CRHBP: variants seen among roughly 807,000 people sequenced by gnomAD.
CRHBP encodes the protein corticotropin releasing hormone binding protein.
CRHBP carries 19 observed loss-of-function variants against 34.9 expected under a neutral mutation model. The ratio of observed to expected loss-of-function variants is 0.55; its 90% CI spans 0.38 to 0.80. CRHBP has a LOEUF of 0.80. Among genes scored for constraint, CRHBP ranks in the 30% least tolerant of loss-of-function variants. The pLI, the probability that CRHBP is intolerant of heterozygous loss-of-function variation, is 0.00. For synonymous variants in CRHBP, 154 were observed against 153.4 expected (o/e 1.00, Z -0.03); for missense variants, 328 against 409.2 (o/e 0.80, Z 1.71).
At chr5:76,968,205 T>G (rs1213726090) in intron 6 of CRHBP, among the ~76,000 whole-genome samples, 83 of 54,718 alleles carry the variant, frequency 1.5e-3, no homozygotes, top group African/African-American at 6.0e-3. Context: ...TTTTTTTTTG[T>G]TTTTTTTTTT....
intron 2 of CRHBP, among the ~76,000 whole-genome samples, chr5:76,975,825 A>AAAAAAATATATATATAT: frequency 1.6e-5 from 1 of 61,844 alleles, no homozygotes; most frequent in East Asian, 5.1e-4. Flanking sequence ...AAAAAAAAAA[A>AAAAAAATATATATATAT]ATATATATAT....
rs1427232443 is a variant in CRHBP, at chr5:76,969,015, G to T, written c.*130G>T. The T allele has an allele frequency of 2.3e-6, 2 of 860,728 alleles. No homozygotes were observed. The highest frequency in any genetic ancestry group is 1.7e-5 in the African/African-American group (1 of 57,796). 53.3% of individuals were successfully genotyped at this position (860,728 alleles called of 1,614,324 possible). On this transcript the variant is annotated 3_prime_UTR_variant, in exon 7 of 7. Coordinates refer to ENST00000274368, the MANE Select transcript of CRHBP (RefSeq NM_001882.4). Reference sequence around the variant, plus strand: ...TATTCCCAGCCTTGAGCGCACGCGCGCACACACACACACACATACACACAC... The same window carrying T: ...TATTCCCAGCCTTGAGCGCACGCGCTCACACACACACACACATACACACAC...
intron 6 of CRHBP, 97 bp downstream of exon 6, chr5:76,963,557 C>A: frequency 3.8e-6 from 4 of 1,042,256 alleles, no homozygotes; most frequent in Non-Finnish European, 5.8e-6. Flanking sequence ...TGAGTTTCGC[C>A]AAAAAAGCCT....
intron 6 of CRHBP, 117 bp from the exon 7 acceptor site, chr5:76,968,611 C>A: frequency 1.0e-6 from 1 of 964,610 alleles, no homozygotes; most frequent in South Asian, 1.9e-5. Context: ...GGTTTGGGTA[C>A]ATGAGAGGAA....
intron 4 of CRHBP, among the ~76,000 whole-genome samples, chr5:76,958,460 G>C (rs1745724913): frequency 6.6e-6 from 1 of 152,100 alleles, no homozygotes; most frequent in African/African-American, 2.4e-5. Flanking sequence ...TGGGTGCTGT[G>C]TTATGTCTTG....
chr5:76,961,612 C>T (rs1369771819), intron 5 of CRHBP, among the ~76,000 whole-genome samples: 3 of 152,198 alleles, frequency 2.0e-5, no homozygotes, highest in South Asian at 2.1e-4. Flanking sequence ...AAACCCAGTA[C>T]ATAGTAGGTA....
intron 5 of CRHBP, 168 bp downstream of exon 5, chr5:76,959,057 C>G (rs771236353): frequency 8.3e-6 from 5 of 601,778 alleles, no homozygotes; most frequent in African/African-American, 5.7e-5. Flanking sequence ...CTAACCCCCT[C>G]TTCTATTTCA....
At position 76,969,228 on chromosome 5, in the gene CRHBP, G is replaced by A; in HGVS notation, c.*343G>A. 1 of 183,708 alleles carries A rather than the reference G, an allele frequency of 5.4e-6. No individual in the cohort carries two copies. Among genetic ancestry groups the A allele is most frequent in the Non-Finnish European group, 1.1e-5 (1 of 88,808 alleles). The allele number at this position is 183,708 out of a possible 1,614,324, so 11.4% of individuals were successfully genotyped here. A position where few individuals can be genotyped will look rare whatever the true frequency, so the allele number is the denominator to read the frequency against. ...TGCAATACAAAAATCGTATCTCAAGGGAAAATACTCAAAGAAAGAAAAGTG... is the reference window on the plus strand; with the variant it reads ...TGCAATACAAAAATCGTATCTCAAGAGAAAATACTCAAAGAAAGAAAAGTG... On this transcript the variant is annotated 3_prime_UTR_variant, in exon 7 of 7. Coordinates refer to ENST00000274368, the MANE Select transcript of CRHBP (RefSeq NM_001882.4).
intron 5 of CRHBP, among the ~76,000 whole-genome samples, chr5:76,961,772 G>T (rs192491323): frequency 1.3e-5 from 2 of 151,518 alleles, no homozygotes; most frequent in East Asian, 3.9e-4. Context: ...TGTTTTTTCG[G>T]AGACAGAGTC....
downstream of CRHBP, among the ~76,000 whole-genome samples, chr5:76,973,609 A>G (rs1745979349): frequency 6.6e-6 from 1 of 152,200 alleles, no homozygotes; most frequent in Non-Finnish European, 1.5e-5. Flanking sequence ...TCATTAGTGA[A>G]TCTGGCTGCA....
intron 3 of CRHBP, among the ~76,000 whole-genome samples, chr5:76,977,853 C>A (rs1202599421): frequency 6.6e-6 from 1 of 152,160 alleles, no homozygotes; most frequent in Non-Finnish European, 1.5e-5. Context: ...AAACAGTTAG[C>A]CAAGTTGTGA....
At chr5:76,969,934 CTTTTTTTTTTTTTT>C (rs201228247), downstream of CRHBP, among the ~76,000 whole-genome samples, 2,251 of 61,768 alleles carry the variant, frequency 0.036, 85 homozygotes, top group African/African-American at 0.14. Context: ...AAAGAAAATT[CTTTTTTTTTTTTTT>C]TTTTTTTTTT....
chr5:76,971,069 T>G (rs912201595), downstream of CRHBP, among the ~76,000 whole-genome samples: 1 of 152,014 alleles, frequency 6.6e-6, no homozygotes, highest in African/African-American at 2.4e-5. Context: ...CCGGGGGAGA[T>G]TTATAGGTTG....
At chr5:76,980,526 A>C (rs184958730) in intron 3 of CRHBP, among the ~76,000 whole-genome samples, 15 of 152,206 alleles carry the variant, frequency 9.9e-5, no homozygotes, top group African/African-American at 2.4e-4. Flanking sequence ...TTCCATTTCC[A>C]ACTCTCAGAA....
chr5:76,975,869 CAT>C (rs1469573787), intron 2 of CRHBP, among the ~76,000 whole-genome samples: 4 of 122,826 alleles, frequency 3.3e-5, no homozygotes, highest in African/African-American at 1.3e-4. Flanking sequence ...TATACACACA[CAT>C]ATACATGCAT....
At chr5:76,980,075 C>A (rs926871157) in intron 3 of CRHBP, among the ~76,000 whole-genome samples, 12 of 151,322 alleles carry the variant, frequency 7.9e-5, no homozygotes, top group Admixed American at 2.6e-4. Flanking sequence ...CACGGTGAAA[C>A]CCCGTCTCTA....
intron 3 of CRHBP, among the ~76,000 whole-genome samples, chr5:76,980,103 A>C (rs1459186896): frequency 1.3e-5 from 2 of 151,622 alleles, no homozygotes; most frequent in African/African-American, 4.8e-5. Flanking sequence ...TACAAAAAAA[A>C]AATTAGCCGG....
chr5:76,980,578 C>T (rs150426735), intron 3 of CRHBP, among the ~76,000 whole-genome samples: 3 of 152,196 alleles, frequency 2.0e-5, no homozygotes, highest in East Asian at 3.8e-4. Context: ...GTCAACTTGG[C>T]GATGCCATAG....
chr5:76,964,920 G>A (rs1026928035), intron 6 of CRHBP, among the ~76,000 whole-genome samples: 6 of 151,776 alleles, frequency 4.0e-5, no homozygotes, highest in Non-Finnish European at 7.4e-5. Flanking sequence ...GGAGGCTGAC[G>A]CAGGAGGATC....
Sources: allele counts gnomAD v4.1 joint callset (sites outside exome capture counted in the v4.1 genomes callset), GRCh38; gene constraint gnomAD v4.1.1; transcripts MANE v1.5; gene names NCBI Gene and HGNC (gene_info 2026-07-23, HGNC 2026-07-21).